Variants in PTPN14 observed in about 807,000 individuals in gnomAD.
The protein encoded by PTPN14 is tyrosine-protein phosphatase non-receptor type 14.
Under a neutral mutation model 126.8 loss-of-function variants are expected in PTPN14, and 53 were observed. The ratio of observed to expected loss-of-function variants is 0.42; its 90% confidence interval spans 0.34 to 0.53. The LOEUF is 0.53. Among genes scored for constraint, PTPN14 ranks in the 20% least tolerant of loss-of-function variants. The pLI, the probability that PTPN14 is intolerant of heterozygous loss-of-function variation, is 0.08. For synonymous variants in PTPN14, 630 were observed against 599.3 expected (o/e 1.05, Z -0.75); for missense variants, 1,257 against 1,552.9 (o/e 0.81, Z 3.20).
rs1184093637 is a variant in PTPN14, at chr1:214,483,207, T to C, written c.-154-18250A>G. 14 of 1,611,286 alleles carry C rather than the reference T, an allele frequency of 8.7e-6. No individual in the cohort carries two copies. In the Admixed American group the frequency reaches 2.3e-4, roughly 27 times the overall value. ...GTGTAATGTCTATAAATCAGTTTGT[T>C]GTCAGATCCTCCAATTAATAATCCC... On this transcript the variant is annotated intron_variant, in intron 1 of 18. Transcript: ENST00000366956.
chr1:214,490,814 G>T (rs1661213338), intron 1 of PTPN14, among the ~76,000 whole-genome samples: 1 of 136,310 alleles, frequency 7.3e-6, no homozygotes, highest in Non-Finnish European at 1.6e-5. Context: ...TCCAGCCTGG[G>T]TGACAGAGCG....
chr1:214,543,663 G>A (rs941859833), intron 1 of PTPN14, among the ~76,000 whole-genome samples: 2 of 150,904 alleles, frequency 1.3e-5, no homozygotes, highest in South Asian at 2.1e-4. Context: ...ATGGAGTCTC[G>A]CTCTGTCTCC....
At chr1:214,524,344 C>A (rs916060693) in intron 1 of PTPN14, among the ~76,000 whole-genome samples, 1 of 152,028 alleles carries the variant, frequency 6.6e-6, no homozygotes, top group Non-Finnish European at 1.5e-5. Context: ...ACAGTATGCA[C>A]GTATCAAGGC....
At chr1:214,430,576 G>A (rs1352955498) in intron 3 of PTPN14, among the ~76,000 whole-genome samples, 3 of 152,176 alleles carry the variant, frequency 2.0e-5, no homozygotes, top group Admixed American at 6.5e-5. Flanking sequence ...GATGGACCAC[G>A]CAGAAGGAAG....
intron 10 of PTPN14, among the ~76,000 whole-genome samples, chr1:214,393,124 C>A (rs1354813249): frequency 6.6e-6 from 1 of 152,176 alleles, no homozygotes; most frequent in Non-Finnish European, 1.5e-5. Flanking sequence ...GCCTCTTTAT[C>A]ATCTTTATTT....
chr1:214,430,185 A>C (rs61819590), intron 3 of PTPN14, among the ~76,000 whole-genome samples: 11,999 of 152,200 alleles, frequency 0.079, 616 homozygotes, highest in Non-Finnish European at 0.11. Flanking sequence ...TTGGCTCGGA[A>C]TGTTCTCCCT....
At chr1:214,386,360 C>CA (rs1658609008) in intron 12 of PTPN14, among the ~76,000 whole-genome samples, 1 of 152,100 alleles carries the variant, frequency 6.6e-6, no homozygotes, top group African/African-American at 2.4e-5. Flanking sequence ...TTACCTTACT[C>CA]AGAGAAGAAA....
chr1:214,415,483 G>C (rs958289804), intron 3 of PTPN14, among the ~76,000 whole-genome samples: 2 of 152,134 alleles, frequency 1.3e-5, no homozygotes, highest in African/African-American at 4.8e-5. Context: ...TCAACACATA[G>C]TCACAACGAC....
chr1:214,503,181 TG>T (rs1435751882), intron 1 of PTPN14, among the ~76,000 whole-genome samples: 1 of 152,166 alleles, frequency 6.6e-6, no homozygotes. Flanking sequence ...AATAATAAAA[TG>T]GCAAACACTA....
At chr1:214,388,184 T>C (rs1658666341) in intron 11 of PTPN14, among the ~76,000 whole-genome samples, 2 of 152,214 alleles carry the variant, frequency 1.3e-5, no homozygotes. Flanking sequence ...TGCACTAATG[T>C]AATCTAGAGC....
chr1:214,432,734 T>C (rs199533171), intron 3 of PTPN14, among the ~76,000 whole-genome samples: 1 of 44,958 alleles, frequency 2.2e-5, no homozygotes, highest in South Asian at 5.4e-4. Context: ...ACCTAAAAAG[T>C]TTTTTTTTAA....
At chr1:214,426,690 C>A (rs1038402813) in intron 3 of PTPN14, among the ~76,000 whole-genome samples, 1 of 152,136 alleles carries the variant, frequency 6.6e-6, no homozygotes, top group African/African-American at 2.4e-5. Context: ...TGAAAGAAGG[C>A]TGCTACAAAC....
intron 4 of PTPN14, among the ~76,000 whole-genome samples, chr1:214,414,418 C>T (rs1343221775): frequency 6.6e-6 from 1 of 152,180 alleles, no homozygotes. Context: ...ATTATACAAG[C>T]ATGAGCAGTT....
intron 18 of PTPN14, 77 bp from the exon 19 acceptor site, chr1:214,358,127 G>T: frequency 1.3e-6 from 2 of 1,543,586 alleles, no homozygotes; most frequent in Non-Finnish European, 1.8e-6. Flanking sequence ...CCTCATTCAG[G>T]AAGCACTCAC....
chr1:214,524,643 C>A (rs1571645699), intron 1 of PTPN14, among the ~76,000 whole-genome samples: 1 of 151,894 alleles, frequency 6.6e-6, no homozygotes, highest in Admixed American at 6.6e-5. Flanking sequence ...CAAAGAGAGA[C>A]CCTATCTCTT....
In PTPN14 at chr1:214,353,296, A is replaced by G. The variant is rs1190374002; in HGVS notation, c.*4626T>C. ...GCATACTTTAAATCATCTCTAGATTATTTACAATACCTAACTCAATGCCTA... is the reference window on the plus strand; with the variant it reads ...GCATACTTTAAATCATCTCTAGATTGTTTACAATACCTAACTCAATGCCTA... On this transcript the variant is annotated 3_prime_UTR_variant, in exon 19 of 19. Transcript: ENST00000366956. The G allele has an allele frequency of 1.3e-5, 2 of 152,260 alleles. No individual in the cohort carries two copies. The highest frequency in any genetic ancestry group is 4.8e-5 in the African/African-American group (2 of 41,468). 9.4% of individuals were successfully genotyped at this position (152,260 alleles called of 1,614,324 possible).
intron 3 of PTPN14, among the ~76,000 whole-genome samples, chr1:214,428,810 T>C (rs1229837390): frequency 6.6e-6 from 1 of 152,248 alleles, no homozygotes; most frequent in Non-Finnish European, 1.5e-5. Flanking sequence ...TGAGCCCTAT[T>C]ATCAAACCAC....
chr1:214,527,225 G>A (rs1655422683), intron 1 of PTPN14, among the ~76,000 whole-genome samples: 1 of 152,252 alleles, frequency 6.6e-6, no homozygotes, highest in Non-Finnish European at 1.5e-5. Flanking sequence ...GATGGTAAAG[G>A]ACATTTGTAG....
intron 3 of PTPN14, among the ~76,000 whole-genome samples, chr1:214,428,188 G>T (rs1404557462): frequency 6.6e-6 from 1 of 152,178 alleles, no homozygotes; most frequent in Non-Finnish European, 1.5e-5. Context: ...GATTAGAGAG[G>T]TTACAGTGGA....
Sources: gnomAD v4.1 joint callset for allele counts (sites outside exome capture counted in the v4.1 genomes callset) on GRCh38, gnomAD v4.1.1 for gene constraint, MANE v1.5 for transcripts, NCBI Gene and HGNC (gene_info 2026-07-23, HGNC 2026-07-21) for gene names.